The following RAB14 variants were observed in gnomAD, a reference collection of about 807,000 sequenced individuals.
RAB14 encodes the protein RAB14, member RAS oncogene family, also known as ras-related protein Rab-14.
In RAB14, 3 loss-of-function variants were observed where a neutral mutation model predicts 31.1. That is an observed-to-expected ratio of 0.10 (90% CI 0.04 to 0.25). RAB14 has a LOEUF of 0.25. RAB14 is among the 10% of genes least tolerant of loss of function. The pLI is 1.00. For synonymous variants in RAB14, 85 were observed against 84.9 expected, an observed-to-expected ratio of 1.00 and a Z score of 0.00; for missense variants, 111 against 260.1, an observed-to-expected ratio of 0.43 and a Z score of 3.94.
At chr9:121,195,999 C>A (rs564918229) in intron 1 of RAB14, among the ~76,000 whole-genome samples, 1 of 152,100 alleles carries the variant, frequency 6.6e-6, no homozygotes, top group South Asian at 2.1e-4. Context: ...ATGAAACATA[C>A]TATTGTTAAG....
chr9:121,192,844 A>C (rs2053694425), intron 2 of RAB14, among the ~76,000 whole-genome samples: 1 of 152,264 alleles, frequency 6.6e-6, no homozygotes, highest in Middle Eastern at 3.4e-3. Context: ...TCATTGAAAA[A>C]CGTGTACTTT....
intron 2 of RAB14, 135 bp downstream of exon 2, chr9:121,193,226 T>C: frequency 1.7e-6 from 1 of 600,048 alleles, no homozygotes; most frequent in South Asian, 2.2e-5. Flanking sequence ...CAAAAATAAA[T>C]CTTATAAAAG....
At position 121,181,211 on chromosome 9, in the gene RAB14, G is replaced by T; in HGVS notation, c.*185C>A. On this transcript the variant is annotated 3_prime_UTR_variant, in exon 8 of 8. Coordinates refer to ENST00000373840, the MANE Select transcript of RAB14 (RefSeq NM_016322.4). The stretch of plus-strand genomic sequence containing the variant: ...GAGATTTATTACTCTACTTGCCTTT[G>T]ATAACCTGATTACATCTAGTTGTTT... 1 of 534,792 alleles carries T rather than the reference G, an allele frequency of 1.9e-6. No homozygotes were observed. The highest frequency in any genetic ancestry group is 3.0e-6 in the Non-Finnish European group (1 of 333,948). The allele number at this position is 534,792 out of a possible 1,614,324, so 33.1% of individuals were successfully genotyped here. A position where few individuals can be genotyped will look rare whatever the true frequency, so the allele number is the denominator to read the frequency against.
intron 1 of RAB14, among the ~76,000 whole-genome samples, chr9:121,200,141 G>A (rs1172402116): frequency 2.0e-5 from 3 of 152,198 alleles, no homozygotes; most frequent in Admixed American, 1.3e-4. Context: ...TGGCAGTACT[G>A]GAGGGAGAAC....
At chr9:121,187,832 A>G (rs1170390164) in intron 4 of RAB14, among the ~76,000 whole-genome samples, 1 of 152,098 alleles carries the variant, frequency 6.6e-6, no homozygotes, top group Non-Finnish European at 1.5e-5. Flanking sequence ...TCTGATTTAT[A>G]GACTCACAGA....
chr9:121,200,429 A>C (rs1243326546), intron 1 of RAB14, among the ~76,000 whole-genome samples: 1 of 152,188 alleles, frequency 6.6e-6, no homozygotes, highest in African/African-American at 2.4e-5. Flanking sequence ...AAGAGTTCAA[A>C]TCTGGGCTCT....
At chr9:121,201,418 G>C (rs1478701226) in intron 1 of RAB14, among the ~76,000 whole-genome samples, 2 of 152,064 alleles carry the variant, frequency 1.3e-5, no homozygotes, top group Non-Finnish European at 1.5e-5. Flanking sequence ...GGCTCAGGCC[G>C]GAGCCGCGCA....
intron 6 of RAB14, 84 bp downstream of exon 6, chr9:121,183,227 C>CAAA: frequency 2.4e-5 from 26 of 1,084,498 alleles, no homozygotes; most frequent in Middle Eastern, 2.1e-4. Flanking sequence ...AAAAAAAATG[C>CAAA]AAAAAAAAAC....
At chr9:121,199,742 T>C (rs2053743888) in intron 1 of RAB14, among the ~76,000 whole-genome samples, 2 of 152,216 alleles carry the variant, frequency 1.3e-5, no homozygotes, top group African/African-American at 4.8e-5. Flanking sequence ...CTGCCATTTA[T>C]TGAGGGCCTA....
At chr9:121,184,780 C>A (rs1187866664) in intron 5 of RAB14, among the ~76,000 whole-genome samples, 4 of 152,134 alleles carry the variant, frequency 2.6e-5, no homozygotes, top group African/African-American at 9.7e-5. Context: ...CTTTCATATA[C>A]TATCCATTAG....
chr9:121,201,438 T>G (rs1045112872), intron 1 of RAB14, among the ~76,000 whole-genome samples: 2 of 151,836 alleles, frequency 1.3e-5, no homozygotes, highest in Admixed American at 1.3e-4. Flanking sequence ...AGGGGACACC[T>G]CCGCCCCCGC....
intron 1 of RAB14, among the ~76,000 whole-genome samples, chr9:121,199,888 A>C (rs1177387148): frequency 6.6e-6 from 1 of 152,228 alleles, no homozygotes; most frequent in Non-Finnish European, 1.5e-5. Context: ...TTAACTCTAC[A>C]TGTAGCTCTC....
At chr9:121,191,959 AAAC>A (rs1158274262) in intron 3 of RAB14, among the ~76,000 whole-genome samples, 5 of 152,162 alleles carry the variant, frequency 3.3e-5, no homozygotes, top group African/African-American at 4.8e-5. Context: ...CAAGAAATCA[AAAC>A]AAGCAAATCA....
In RAB14 at chr9:121,193,415, T is replaced by C; in HGVS notation, c.-3A>G. On this transcript the variant is annotated 5_prime_UTR_variant, in exon 2 of 8. Transcript: ENST00000373840. ...TAGTTGTATGGTGCAGTTGCCATGG[T>C]GGCACTAAAAACAAAGAAATCTCTG... 2 of 1,575,290 alleles carry C rather than the reference T, an allele frequency of 1.3e-6. No individual in the cohort carries two copies. The highest frequency in any genetic ancestry group is 1.7e-6 in the Non-Finnish European group (2 of 1,164,708).
At chr9:121,199,571 TA>T (rs1271496926) in intron 1 of RAB14, among the ~76,000 whole-genome samples, 1 of 152,186 alleles carries the variant, frequency 6.6e-6, no homozygotes, top group Non-Finnish European at 1.5e-5. Flanking sequence ...TTGATATTGA[TA>T]AAAATGAACA....
At position 121,190,590 on chromosome 9, in the gene RAB14, C is replaced by G; in HGVS notation, c.248G>C (p.Gly83Ala). The change falls in exon 4 of 8, where the codon GGA becomes GCA. Residue 83 changes from glycine to alanine, a missense_variant. Coordinates refer to ENST00000373840, the MANE Select transcript of RAB14 (RefSeq NM_016322.4). ...FRAVTRSYYRGAAGALMVYDI... is the reference protein window; with the variant it reads ...FRAVTRSYYRAAAGALMVYDI... ...ATAGACCATAAGAGCTCCCGCAGCTCCTCTGTAGTAGCTCCGTGTAACAGC... is the reference window on the plus strand; with the variant it reads ...ATAGACCATAAGAGCTCCCGCAGCTGCTCTGTAGTAGCTCCGTGTAACAGC... The G allele has an allele frequency of 6.2e-7, 1 of 1,613,100 alleles. No individual in the cohort carries two copies. The highest frequency in any genetic ancestry group is 8.5e-7 in the Non-Finnish European group (1 of 1,179,440).
rs1277758860 is a variant in RAB14 at position 121,201,695 on chromosome 9, AG to A, written c.-65del. The A allele has an allele frequency of 6.6e-6, 1 of 152,214 alleles. No individual in the cohort carries two copies. The highest frequency in any genetic ancestry group is 1.5e-5 in the Non-Finnish European group (1 of 68,248). The allele number at this position is 152,214 out of a possible 1,614,324, so 9.4% of individuals were successfully genotyped here. ...CGGGCGGGAGGGGGGCGTCAGGACCAGGAACAGGAGTGCGGACGCAGCGGGA... is the reference window on the plus strand; with the variant it reads ...CGGGCGGGAGGGGGGCGTCAGGACCAGAACAGGAGTGCGGACGCAGCGGGA... On this transcript the variant is annotated 5_prime_UTR_variant, in exon 1 of 8. Transcript: ENST00000373840.
rs56275636 is a variant in RAB14, at chr9:121,194,090, T to TCACACACACACACACACA, written c.-7-672_-7-671insTGTGTGTGTGTGTGTGTG. ...AACCTAATACAGGACTTGCAGATTA[T>TCACACACACACACACACA]CACTCACACACACACACACACACAC... is the stretch of plus-strand genomic sequence containing the variant. On this transcript the variant is annotated intron_variant, in intron 1 of 7. Coordinates refer to ENST00000373840, the MANE Select transcript of RAB14 (RefSeq NM_016322.4). Among the ~76,000 whole-genome samples, 107 of 141,394 alleles carry TCACACACACACACACACA rather than the reference T, an allele frequency of 7.6e-4. 1 individual carries two copies. The highest frequency in any genetic ancestry group is 2.2e-3 in the South Asian group (10 of 4,614). 92.8% of individuals were successfully genotyped at this position (141,394 alleles called of 152,430 possible).
Position 121,192,196 on chromosome 9 carries a change from C to T in RAB14, c.81G>A (p.Leu27=). ...ATTTTTTTTCTGTAAATTGATGAAG[C>T]AAGCAAGATTTTCCTACTCCCATGT... ...IGDMGVGKSC[L]LHQFTEKKFM... is the part of the protein sequence containing the mutation. Residue 27 remains leucine, a synonymous_variant, in exon 3 of 8, where the codon TTG becomes TTA. Coordinates refer to ENST00000373840, the MANE Select transcript of RAB14 (RefSeq NM_016322.4). 6.3e-7 allele frequency: 1 copy of T among 1,598,348 alleles called. No homozygotes were observed. Among genetic ancestry groups the T allele is most frequent in the Non-Finnish European group, 8.5e-7 (1 of 1,170,658 alleles).
Sources: gnomAD v4.1 joint callset for allele counts (sites outside exome capture counted in the v4.1 genomes callset) on GRCh38, gnomAD v4.1.1 for gene constraint, MANE v1.5 for transcripts, NCBI Gene and HGNC (gene_info 2026-07-23, HGNC 2026-07-21) for gene names.